The following NUP37 variants were observed in gnomAD, a reference collection of about 807,000 sequenced individuals.
NUP37 encodes the protein nucleoporin 37.
A neutral mutation model predicts 45.4 loss-of-function variants in NUP37; 33 were observed. The ratio of observed to expected loss-of-function variants is 0.73; its 90% CI spans 0.55 to 0.97. The LOEUF (loss-of-function observed/expected upper bound fraction) is 0.97, where lower values mean the gene tolerates loss of function less well. NUP37 is among the 50% of genes least tolerant of loss of function. The pLI, the probability that NUP37 is intolerant of heterozygous loss-of-function variation, is 0.00. For synonymous variants in NUP37, 127 were observed against 130.7 expected, an observed-to-expected ratio of 0.97 and a Z score of 0.19; for missense variants, 365 against 389.7, an observed-to-expected ratio of 0.94 and a Z score of 0.53.
intron 6 of NUP37, among the ~76,000 whole-genome samples, chr12:102,083,460 A>T (rs1165651108): frequency 6.6e-6 from 1 of 152,238 alleles, no homozygotes; most frequent in Non-Finnish European, 1.5e-5. Flanking sequence ...GCACACACTT[A>T]GATACAGTCT....
Position 102,074,613 on chromosome 12 carries a change from A to G in NUP37, c.868-146T>C, listed in dbSNP as rs559438328. 2.7e-5 allele frequency: 16 copies of G among 583,440 alleles called. No homozygotes were observed. The East Asian group carries it at 4.6e-4, about 17-fold the overall frequency. 36.1% of individuals were successfully genotyped at this position (583,440 alleles called of 1,614,324 possible). On this transcript the variant is annotated intron_variant, in intron 9 of 9. Transcript: ENST00000552283. ...AAATATGCTCCCTTACAGGTGAAAT[A>G]CACATTATTGATACGCAGCTGAAAC...
At chr12:102,084,856 G>A (rs562933086) in intron 6 of NUP37, among the ~76,000 whole-genome samples, 1 of 152,280 alleles carries the variant, frequency 6.6e-6, no homozygotes, top group African/African-American at 2.4e-5. Context: ...AATAACTACA[G>A]TGATGACCAA....
chr12:102,101,214 T>A lies in NUP37; in HGVS notation c.282-110A>T. ...TCACTGAAGCTTTTATCATAACTCA[T>A]AATCATGCTTTTTATGGAGGGGGAA... On this transcript the variant is annotated intron_variant, in intron 3 of 9. Coordinates refer to ENST00000552283, the MANE Select transcript of NUP37 (RefSeq NM_024057.4). 8 of 543,212 alleles carry A rather than the reference T, an allele frequency of 1.5e-5. No homozygotes were observed. In the South Asian group the frequency reaches 2.2e-4, roughly 15 times the overall value. 33.6% of individuals were successfully genotyped at this position (543,212 alleles called of 1,614,324 possible).
intron 2 of NUP37, 87 bp downstream of exon 2, chr12:102,118,276 T>A: frequency 7.9e-7 from 1 of 1,266,930 alleles, no homozygotes; most frequent in Non-Finnish European, 1.1e-6. Context: ...AAACTCAATA[T>A]ACTTTCAAAG....
chr12:102,079,307 C>T (rs1879268855), intron 6 of NUP37: 16 of 450,558 alleles, frequency 3.6e-5, no homozygotes, highest in South Asian at 2.2e-4. Context: ...TTGTACTTTC[C>T]TAAACACATA....
chr12:102,077,876 T>C (rs1285908590), intron 6 of NUP37, among the ~76,000 whole-genome samples: 3 of 152,152 alleles, frequency 2.0e-5, no homozygotes, highest in African/African-American at 7.2e-5. Context: ...TATTACAAAA[T>C]GCAAAAAATT....
In NUP37 at chr12:102,101,056, A is replaced by G; in HGVS notation, c.330T>C (p.Asp110=). ...ADMKIRLFTS[D]LQDKNEYKVL... is the part of the protein sequence containing the mutation. ...CCTTATATTCATTTTTATCCTGAAG[A>G]TCTGAAGTAAATAATCTAATTTTCA... Residue 110 remains aspartate, a synonymous_variant, in exon 4 of 10, where the codon GAT becomes GAC. Transcript: ENST00000552283. 6.4e-7 allele frequency: 1 copy of G among 1,560,806 alleles called. No individual in the cohort carries two copies. Among genetic ancestry groups the G allele is most frequent in the Non-Finnish European group, 8.7e-7 (1 of 1,147,794 alleles).
intron 3 of NUP37, among the ~76,000 whole-genome samples, chr12:102,106,606 T>C (rs1880163903): frequency 6.6e-6 from 1 of 152,196 alleles, no homozygotes; most frequent in Non-Finnish European, 1.5e-5. Flanking sequence ...AAATGTACAC[T>C]CTTATCATTA....
intron 2 of NUP37, among the ~76,000 whole-genome samples, chr12:102,115,417 G>T (rs1475961607): frequency 6.6e-6 from 1 of 152,174 alleles, no homozygotes; most frequent in Non-Finnish European, 1.5e-5. Flanking sequence ...TTAGTGAATT[G>T]AGGCCTCTAG....
At chr12:102,087,451 G>C (rs941305836) in intron 5 of NUP37, among the ~76,000 whole-genome samples, 2 of 152,142 alleles carry the variant, frequency 1.3e-5, no homozygotes, top group Admixed American at 6.5e-5. Flanking sequence ...GAAGCATACT[G>C]TTCTCTTGCC....
rs149463112 is a variant in NUP37, at chr12:102,107,926, A to G, written c.281+4182T>C. Among the ~76,000 whole-genome samples, 169 of 152,312 alleles carry G rather than the reference A, an allele frequency of 1.1e-3. 3 individuals are homozygous for G. The highest frequency in any genetic ancestry group is 3.5e-3 in the African/African-American group (144 of 41,570). On this transcript the variant is annotated intron_variant, in intron 3 of 9. Coordinates refer to ENST00000552283, the MANE Select transcript of NUP37 (RefSeq NM_024057.4). ...GGGGAAGGAAGAAGGCTGATTGGAG[A>G]GGGGCACACTGGCAGCCTCAAGTGT...
At chr12:102,090,809 C>T (rs1879628895) in intron 5 of NUP37, among the ~76,000 whole-genome samples, 1 of 152,010 alleles carries the variant, frequency 6.6e-6, no homozygotes, top group South Asian at 2.1e-4. Flanking sequence ...AAGCACTGGC[C>T]TAATATCAAA....
chr12:102,108,515 G>A (rs1227218784), intron 3 of NUP37, among the ~76,000 whole-genome samples: 1 of 152,148 alleles, frequency 6.6e-6, no homozygotes, highest in South Asian at 2.1e-4. Flanking sequence ...ACTTCATCTT[G>A]TGATCGTGTG....
At chr12:102,080,925 G>A (rs878940147) in intron 6 of NUP37, among the ~76,000 whole-genome samples, 3 of 152,176 alleles carry the variant, frequency 2.0e-5, no homozygotes, top group South Asian at 2.1e-4. Flanking sequence ...TATGGACTAC[G>A]GAAGGGCTAA....
intron 3 of NUP37, among the ~76,000 whole-genome samples, chr12:102,102,997 T>C (rs753353236): frequency 3.3e-5 from 5 of 152,202 alleles, no homozygotes; most frequent in African/African-American, 4.8e-5. Flanking sequence ...TTGAATACCA[T>C]AGCTTTTATT....
chr12:102,112,496 C>G (rs1880345273), intron 2 of NUP37, among the ~76,000 whole-genome samples: 1 of 152,062 alleles, frequency 6.6e-6, no homozygotes, highest in Non-Finnish European at 1.5e-5. Context: ...ATAATAAGTT[C>G]AATGAAAATG....
chr12:102,080,384 T>C (rs1879298264), intron 6 of NUP37, among the ~76,000 whole-genome samples: 1 of 152,184 alleles, frequency 6.6e-6, no homozygotes, highest in Non-Finnish European at 1.5e-5. Flanking sequence ...ATTGTCCCAC[T>C]GCATCCAGCC....
chr12:102,102,932 C>T (rs765838632), intron 3 of NUP37, among the ~76,000 whole-genome samples: 23 of 152,108 alleles, frequency 1.5e-4, no homozygotes, highest in Non-Finnish European at 2.2e-4. Context: ...TTTCTGGGCT[C>T]TCTATCTTAT....
intron 5 of NUP37, among the ~76,000 whole-genome samples, chr12:102,098,664 T>G (rs1314609626): frequency 6.6e-6 from 1 of 152,196 alleles, no homozygotes; most frequent in East Asian, 1.9e-4. Context: ...CCCGAGTAGC[T>G]GGAATCACAA....
Sources: allele counts gnomAD v4.1 joint callset (sites outside exome capture counted in the v4.1 genomes callset), GRCh38; gene constraint gnomAD v4.1.1; transcripts MANE v1.5; gene names NCBI Gene and HGNC (gene_info 2026-07-23, HGNC 2026-07-21).